GPHN: variants seen among roughly 807,000 people sequenced by gnomAD.
GPHN encodes the protein gephyrin.
GPHN carries 17 observed loss-of-function variants against 95.5 expected under a neutral mutation model. The observed-to-expected ratio is 0.18, with a 90% CI of 0.12 to 0.27. The LOEUF (loss-of-function observed/expected upper bound fraction) is 0.27. Ranked by LOEUF, GPHN falls within the 10% of genes least tolerant of loss-of-function variation. The pLI, the probability that GPHN is intolerant of heterozygous loss-of-function variation, is 1.00. For missense variants in GPHN, 660 were observed against 978.1 expected, an observed-to-expected ratio of 0.67 and a Z score of 4.34; for synonymous variants, 320 against 322.5, an observed-to-expected ratio of 0.99 and a Z score of 0.08.
chr14:67,173,344 G>A (rs2082709049), intron 21 of GPHN, among the ~76,000 whole-genome samples: 2 of 152,068 alleles, frequency 1.3e-5, no homozygotes, highest in Non-Finnish European at 2.9e-5. Flanking sequence ...TAAGAATAAG[G>A]AAGACACTAA....
intron 1 of GPHN, among the ~76,000 whole-genome samples, chr14:66,636,603 T>A (rs1324639721): frequency 6.6e-6 from 1 of 152,176 alleles, no homozygotes; most frequent in Non-Finnish European, 1.5e-5. Context: ...CAGTACATCT[T>A]TATTTTATGT....
chr14:66,937,160 T>G (rs373161944), intron 8 of GPHN, among the ~76,000 whole-genome samples: 2 of 152,136 alleles, frequency 1.3e-5, no homozygotes, highest in Admixed American at 6.5e-5. Flanking sequence ...CACAGCACCA[T>G]GCCCAGCTAA....
the GPHN span, among the ~76,000 whole-genome samples, chr14:67,324,076 A>G: frequency 6.6e-6 from 1 of 152,150 alleles, no homozygotes; most frequent in Non-Finnish European, 1.5e-5. Context: ...GACTGCCACC[A>G]AAGTTATCAG....
At chr14:66,548,348 T>A (rs1357100950) in intron 1 of GPHN, among the ~76,000 whole-genome samples, 2 of 151,856 alleles carry the variant, frequency 1.3e-5, no homozygotes, top group African/African-American at 2.4e-5. Flanking sequence ...GCCTGGCTAA[T>A]TTTTGTATTT....
chr14:67,170,865 A>C (rs181587675), intron 21 of GPHN, among the ~76,000 whole-genome samples: 15 of 152,354 alleles, frequency 9.8e-5, no homozygotes, highest in Admixed American at 3.3e-4. Flanking sequence ...GATAAGTCTT[A>C]TCTCTCCTTT....
rs2060250512 is a variant in GPHN at position 66,798,907 on chromosome 14, A to G, written c.201+22386A>G. Among the ~76,000 whole-genome samples, 3 of 150,848 alleles carry G rather than the reference A, an allele frequency of 2.0e-5. No individual in the cohort carries two copies. In the South Asian group the frequency reaches 6.2e-4, roughly 31 times the overall value. ...CTAGTTCTTTAAGATGCATTATTAG[A>G]TTGCTTATTTGAAGTTTCCTCCTTT... On this transcript the variant is annotated intron_variant, in intron 3 of 22. Coordinates refer to ENST00000478722, the MANE Select transcript of GPHN (RefSeq NM_020806.5).
intron 10 of GPHN, among the ~76,000 whole-genome samples, chr14:67,041,516 C>A (rs1347419117): frequency 6.6e-6 from 1 of 152,130 alleles, no homozygotes; most frequent in Non-Finnish European, 1.5e-5. Flanking sequence ...TGGTCTCCAT[C>A]TTCATCCATG....
intron 4 of GPHN, among the ~76,000 whole-genome samples, chr14:66,837,019 T>A (rs1300669517): frequency 3.4e-5 from 5 of 148,514 alleles, no homozygotes; most frequent in Non-Finnish European, 7.5e-5. Context: ...GTTCAACCAT[T>A]GTGGAAGTCA....
At chr14:66,514,511 A>G (rs764967953) in intron 1 of GPHN, among the ~76,000 whole-genome samples, 21 of 152,042 alleles carry the variant, frequency 1.4e-4, no homozygotes, top group Non-Finnish European at 2.2e-4. Flanking sequence ...TCATGGCAGT[A>G]TATGTTTCTA....
intron 21 of GPHN, among the ~76,000 whole-genome samples, chr14:67,174,404 A>G (rs1393234615): frequency 1.3e-5 from 2 of 152,230 alleles, no homozygotes; most frequent in Non-Finnish European, 2.9e-5. Context: ...TGCAAAGGAC[A>G]TGAACTCATC....
chr14:67,155,330 T>G (rs1403086263), intron 18 of GPHN, among the ~76,000 whole-genome samples: 1 of 152,184 alleles, frequency 6.6e-6, no homozygotes, highest in Non-Finnish European at 1.5e-5. Context: ...GAGGAATATA[T>G]CATTGTCCAA....
rs572723760 is a variant in GPHN at position 66,716,757 on chromosome 14, A to G, written c.143+35572A>G. Among the ~76,000 whole-genome samples the G allele has an allele frequency of 4.6e-5, 7 of 152,196 alleles. No homozygotes were observed. The East Asian group carries it at 1.2e-3, about 25-fold the overall frequency. Reference sequence around the variant, plus strand: ...GGCAGTTGTTTGTCTGAAAAAGATTATATCTTCATGTATGTTGCTTAGTTT... The same window carrying G: ...GGCAGTTGTTTGTCTGAAAAAGATTGTATCTTCATGTATGTTGCTTAGTTT... On this transcript the variant is annotated intron_variant, in intron 2 of 22. Transcript: ENST00000478722.
the GPHN span, chr14:67,600,339 G>A: frequency 1.4e-6 from 1 of 707,100 alleles, no homozygotes; most frequent in East Asian, 3.2e-5. Context: ...CCTCAGTTGC[G>A]CGCCGAGAGC....
chr14:67,148,812 C>T (rs532807260), intron 18 of GPHN, among the ~76,000 whole-genome samples: 2 of 151,506 alleles, frequency 1.3e-5, no homozygotes, highest in South Asian at 2.1e-4. Flanking sequence ...ATGATCCACC[C>T]GCCTCGGCCT....
intron 17 of GPHN, among the ~76,000 whole-genome samples, chr14:67,131,185 ATTTTTCTC>A (rs879903189): frequency 3.3e-5 from 5 of 151,232 alleles, no homozygotes; most frequent in Non-Finnish European, 5.9e-5. Context: ...GAGCACATAT[ATTTTTCTC>A]TGTTACTGCT....
the GPHN span, among the ~76,000 whole-genome samples, chr14:67,465,481 C>T: frequency 2.0e-5 from 3 of 152,192 alleles, no homozygotes; most frequent in African/African-American, 7.2e-5. Flanking sequence ...ATTAAAGAGT[C>T]TGAAGTAGGG....
At chr14:67,432,481 G>C in the GPHN span, among the ~76,000 whole-genome samples, 2 of 152,240 alleles carry the variant, frequency 1.3e-5, no homozygotes, top group African/African-American at 2.4e-5. Context: ...TTACCTTCCA[G>C]AATGGACTGT....
intron 9 of GPHN, among the ~76,000 whole-genome samples, chr14:66,971,941 T>C (rs910880789): frequency 5.3e-5 from 8 of 152,182 alleles, no homozygotes; most frequent in Non-Finnish European, 1.0e-4. Flanking sequence ...TAGTGGCACA[T>C]AGACATTTTC....
chr14:67,396,259 T>C, the GPHN span, among the ~76,000 whole-genome samples: 35,307 of 144,884 alleles, frequency 0.24, 4,229 homozygotes, highest in African/African-American at 0.51. Flanking sequence ...GCAATTCTCC[T>C]GCCTCAGCCT....
Sources: gnomAD v4.1 joint callset for allele counts (sites outside exome capture counted in the v4.1 genomes callset) on GRCh38, gnomAD v4.1.1 for gene constraint, MANE v1.5 for transcripts, NCBI Gene and HGNC (gene_info 2026-07-23, HGNC 2026-07-21) for gene names.